ADAMTS12: variants seen among roughly 807,000 people sequenced by gnomAD.
ADAMTS12 encodes the protein A disintegrin and metalloproteinase with thrombospondin motifs 12.
A neutral mutation model predicts 167.8 loss-of-function variants in ADAMTS12; 118 were observed. The observed-to-expected ratio is 0.70, with a 90% CI of 0.61 to 0.82. ADAMTS12 has a LOEUF of 0.82. Ranked by LOEUF, ADAMTS12 falls within the 40% of genes least tolerant of loss-of-function variation. The pLI, the probability that ADAMTS12 is intolerant of heterozygous loss-of-function variation, is 0.00. For synonymous variants in ADAMTS12, 704 were observed against 716.9 expected, an observed-to-expected ratio of 0.98 and a Z score of 0.29; for missense variants, 1,916 against 1,998.8, an observed-to-expected ratio of 0.96 and a Z score of 0.79.
chr5:33,738,473 G>A (rs149180948), intron 3 of ADAMTS12, among the ~76,000 whole-genome samples: 75 of 152,324 alleles, frequency 4.9e-4, no homozygotes, highest in African/African-American at 1.7e-3. Context: ...GGGGAAATGA[G>A]ACCAAAAGAG....
chr5:33,857,021 G>A (rs964049745), intron 2 of ADAMTS12, among the ~76,000 whole-genome samples: 1 of 152,072 alleles, frequency 6.6e-6, no homozygotes, highest in Non-Finnish European at 1.5e-5. Flanking sequence ...ACAGACAAAT[G>A]GATAAAGAAA....
intron 3 of ADAMTS12, among the ~76,000 whole-genome samples, chr5:33,731,762 G>T (rs1744202790): frequency 6.6e-6 from 1 of 152,168 alleles, no homozygotes; most frequent in Admixed American, 6.5e-5. Flanking sequence ...GATGCCAGAG[G>T]TCTGCTGATG....
At chr5:33,868,474 C>A (rs1433827194) in intron 2 of ADAMTS12, among the ~76,000 whole-genome samples, 1 of 152,158 alleles carries the variant, frequency 6.6e-6, no homozygotes, top group Non-Finnish European at 1.5e-5. Flanking sequence ...GGAACTAGAG[C>A]AAAGGTCACT....
intron 20 of ADAMTS12, among the ~76,000 whole-genome samples, chr5:33,552,203 T>G (rs1222711752): frequency 6.6e-6 from 1 of 152,230 alleles, no homozygotes; most frequent in East Asian, 1.9e-4. Flanking sequence ...ATTTTTGATT[T>G]ATGAAATCCT....
At chr5:33,720,156 A>G (rs1342845357) in intron 3 of ADAMTS12, among the ~76,000 whole-genome samples, 1 of 152,154 alleles carries the variant, frequency 6.6e-6, no homozygotes, top group African/African-American at 2.4e-5. Flanking sequence ...ACCAATTCTC[A>G]TTCCACTGGA....
intron 2 of ADAMTS12, among the ~76,000 whole-genome samples, chr5:33,845,487 T>C (rs183489314): frequency 6.6e-6 from 1 of 152,178 alleles, no homozygotes; most frequent in Non-Finnish European, 1.5e-5. Flanking sequence ...ATAACAGATA[T>C]AATAGTAATA....
chr5:33,542,924 A>G (rs1744778498), intron 22 of ADAMTS12, among the ~76,000 whole-genome samples: 1 of 152,332 alleles, frequency 6.6e-6, no homozygotes, highest in East Asian at 1.9e-4. Flanking sequence ...AAGATCTAAA[A>G]TCGACACCCT....
intron 2 of ADAMTS12, among the ~76,000 whole-genome samples, chr5:33,782,279 A>G (rs1239447155): frequency 3.3e-5 from 5 of 152,104 alleles, no homozygotes; most frequent in Non-Finnish European, 7.4e-5. Context: ...CCGAACAACC[A>G]AAAAGAAAAT....
chr5:33,791,234 A>G (rs956392773), intron 2 of ADAMTS12, among the ~76,000 whole-genome samples: 2 of 152,170 alleles, frequency 1.3e-5, no homozygotes, highest in African/African-American at 4.8e-5. Context: ...TTAAAATATA[A>G]AAGTCTCCAA....
At chr5:33,826,392 T>A (rs779237755) in intron 2 of ADAMTS12, among the ~76,000 whole-genome samples, 22 of 152,230 alleles carry the variant, frequency 1.4e-4, no homozygotes, top group Middle Eastern at 3.4e-3. Context: ...ATATTAATAC[T>A]AGCAAATTTG....
rs114707808 is a variant in ADAMTS12 at position 33,855,405 on chromosome 5, G to A, written c.489+25714C>T. Among the ~76,000 whole-genome samples, 225 of 152,308 alleles carry A rather than the reference G, an allele frequency of 1.5e-3. 2 individuals are homozygous for A. Among genetic ancestry groups the A allele is most frequent in the African/African-American group, 5.2e-3 (216 of 41,580 alleles). On this transcript the variant is annotated intron_variant, in intron 2 of 23. Coordinates refer to ENST00000504830, the MANE Select transcript of ADAMTS12 (RefSeq NM_030955.4). Reference sequence around the variant, plus strand: ...CAAATTATTATAACAGCATATCCTAGGACAAATTGATTCCTTGCTGGTTAG... The same window carrying A: ...CAAATTATTATAACAGCATATCCTAAGACAAATTGATTCCTTGCTGGTTAG...
intron 22 of ADAMTS12, among the ~76,000 whole-genome samples, chr5:33,540,621 A>T (rs1561111155): frequency 6.6e-6 from 1 of 152,248 alleles, no homozygotes; most frequent in Non-Finnish European, 1.5e-5. Context: ...GGGAAGGATC[A>T]GGCAGCAATA....
intron 3 of ADAMTS12, among the ~76,000 whole-genome samples, chr5:33,693,438 CAT>C (rs1742628324): frequency 6.6e-6 from 1 of 152,094 alleles, no homozygotes; most frequent in Non-Finnish European, 1.5e-5. Flanking sequence ...TACACACAAA[CAT>C]ATTTACAGTT....
chr5:33,777,658 T>A (rs1432836659), intron 2 of ADAMTS12, among the ~76,000 whole-genome samples: 1 of 152,100 alleles, frequency 6.6e-6, no homozygotes. Context: ...TTAAATATGG[T>A]GCTGGAAGTC....
At chr5:33,629,601 C>T (rs1298623546) in intron 13 of ADAMTS12, among the ~76,000 whole-genome samples, 1 of 152,198 alleles carries the variant, frequency 6.6e-6, no homozygotes, top group Non-Finnish European at 1.5e-5. Flanking sequence ...GCAAACACCA[C>T]AACCTTGCAC....
At chr5:33,594,256 A>AT (rs1747799852) in intron 17 of ADAMTS12, among the ~76,000 whole-genome samples, 1 of 152,214 alleles carries the variant, frequency 6.6e-6, no homozygotes, top group African/African-American at 2.4e-5. Context: ...CTGTAGCCAC[A>AT]TAAGACATGC....
chr5:33,683,759 G>T, intron 4 of ADAMTS12, 100 bp downstream of exon 4: 2 of 859,610 alleles, frequency 2.3e-6, no homozygotes, highest in Non-Finnish European at 3.2e-6. Context: ...ATAAAAATAA[G>T]TTAAAAGGAC....
chr5:33,891,872 GAGA>G lies in ADAMTS12; in HGVS notation c.-19_-17del. 6.2e-7 allele frequency: 1 copy of G among 1,606,596 alleles called. No individual in the cohort carries two copies. The highest frequency in any genetic ancestry group is 8.5e-7 in the Non-Finnish European group (1 of 1,177,194). ...CACATGGCATGATTCAGATGTTGAG[GAGA>G]AGAAAAGTCAAAAAAGTTTTAGCCC... On this transcript the variant is annotated 5_prime_UTR_variant, in exon 1 of 24. Transcript: ENST00000504830.
intron 18 of ADAMTS12, among the ~76,000 whole-genome samples, chr5:33,580,362 T>G (rs1352053890): frequency 6.6e-6 from 1 of 151,674 alleles, no homozygotes; most frequent in Non-Finnish European, 1.5e-5. Flanking sequence ...CAGACTGAAG[T>G]GGGGAAAGCC....
Sources: allele counts gnomAD v4.1 joint callset (sites outside exome capture counted in the v4.1 genomes callset), GRCh38; gene constraint gnomAD v4.1.1; transcripts MANE v1.5; gene names NCBI Gene and HGNC (gene_info 2026-07-23, HGNC 2026-07-21).